Variants in PIBF1 observed in about 807,000 individuals in gnomAD.
PIBF1 encodes the protein progesterone immunomodulatory binding factor 1, also known as progesterone-induced-blocking factor 1.
In PIBF1, 90 loss-of-function variants were observed where a neutral mutation model predicts 112.5. The ratio of observed to expected loss-of-function variants is 0.80; its 90% CI spans 0.67 to 0.95. The LOEUF is 0.95. Among genes scored for constraint, PIBF1 ranks in the 40% least tolerant of loss-of-function variants. PIBF1 has a pLI of 0.00. For synonymous variants in PIBF1, 301 were observed against 288.6 expected (o/e 1.04, Z -0.44); for missense variants, 915 against 852.3 (o/e 1.07, Z -0.92).
chr13:72,993,759 A>AG (rs1477605430), intron 16 of PIBF1, among the ~76,000 whole-genome samples: 1 of 151,790 alleles, frequency 6.6e-6, no homozygotes, highest in Non-Finnish European at 1.5e-5. Flanking sequence ...AAAAAAAAAA[A>AG]AAAGAATCAG....
At chr13:72,876,323 C>T (rs2039400450) in intron 10 of PIBF1, among the ~76,000 whole-genome samples, 1 of 151,878 alleles carries the variant, frequency 6.6e-6, no homozygotes. Context: ...ACCACACTGT[C>T]CTGTTCCTGT....
chr13:72,865,702 C>CTCAGT (rs2138396253), intron 10 of PIBF1, among the ~76,000 whole-genome samples: 1 of 152,280 alleles, frequency 6.6e-6, no homozygotes, highest in South Asian at 2.1e-4. Context: ...TACACTGTTA[C>CTCAGT]TAGAAACGGA....
intron 14 of PIBF1, among the ~76,000 whole-genome samples, chr13:72,947,019 G>C (rs2042167622): frequency 6.6e-6 from 1 of 152,222 alleles, no homozygotes; most frequent in South Asian, 2.1e-4. Flanking sequence ...TTTTGTGGGT[G>C]CTCCAACCCC....
chr13:72,954,687 C>G (rs1323336772), intron 14 of PIBF1, among the ~76,000 whole-genome samples: 2 of 152,216 alleles, frequency 1.3e-5, no homozygotes, highest in Non-Finnish European at 2.9e-5. Flanking sequence ...GGCTGAGTCT[C>G]CCCATCTTAT....
chr13:72,942,184 C>CA (rs1475698515), intron 14 of PIBF1, among the ~76,000 whole-genome samples: 1 of 150,004 alleles, frequency 6.7e-6, no homozygotes, highest in African/African-American at 2.5e-5. Context: ...GGAGGAGACT[C>CA]ACATACCTAC....
intron 10 of PIBF1, among the ~76,000 whole-genome samples, chr13:72,891,274 A>G (rs977558422): frequency 6.6e-6 from 1 of 152,162 alleles, no homozygotes; most frequent in Non-Finnish European, 1.5e-5. Context: ...CAAAATTTGC[A>G]GTTTAATCTT....
intron 17 of PIBF1, among the ~76,000 whole-genome samples, chr13:73,009,987 CAT>C (rs1184163123): frequency 6.6e-6 from 1 of 152,116 alleles, no homozygotes; most frequent in Non-Finnish European, 1.5e-5. Flanking sequence ...CCTGTAAACA[CAT>C]AGTAGTAGTA....
At chr13:72,803,764 T>A (rs1165186484) in intron 5 of PIBF1, among the ~76,000 whole-genome samples, 2 of 152,116 alleles carry the variant, frequency 1.3e-5, no homozygotes, top group Non-Finnish European at 2.9e-5. Context: ...AGAGGAGGGT[T>A]TACAAAAAGA....
rs1468341445 is a variant in PIBF1 at position 72,848,721 on chromosome 13, A to G, written c.1224-5336A>G. On this transcript the variant is annotated intron_variant, in intron 9 of 17. Transcript: ENST00000326291. ...GTGGCGGGTGCCTGTAGTCCCAGCT[A>G]CTCAGGAGGCTGAGCCAGGAGAATG... Among the ~76,000 whole-genome samples, 68 of 151,874 alleles carry G rather than the reference A, an allele frequency of 4.5e-4. 1 individual carries two copies. Among genetic ancestry groups the G allele is most frequent in the Admixed American group, 4.3e-3 (65 of 15,230 alleles).
chr13:72,875,514 A>G (rs2039359309), intron 10 of PIBF1, among the ~76,000 whole-genome samples: 1 of 152,166 alleles, frequency 6.6e-6, no homozygotes, highest in African/African-American at 2.4e-5. Context: ...GAAACCACCA[A>G]ACTGTTTTCC....
At chr13:72,790,388 T>C (rs2034834326) in intron 2 of PIBF1, among the ~76,000 whole-genome samples, 1 of 151,050 alleles carries the variant, frequency 6.6e-6, no homozygotes, top group Admixed American at 6.6e-5. Context: ...GATTCCTAAA[T>C]GTAATTGTCA....
chr13:73,005,903 A>C (rs2044017786), intron 17 of PIBF1, among the ~76,000 whole-genome samples: 1 of 150,670 alleles, frequency 6.6e-6, no homozygotes, highest in African/African-American at 2.4e-5. Flanking sequence ...ATTTGTGTTT[A>C]GAAGTTCTGG....
chr13:72,789,068 T>G (rs1448632703), intron 2 of PIBF1, among the ~76,000 whole-genome samples: 1 of 152,240 alleles, frequency 6.6e-6, no homozygotes, highest in Non-Finnish European at 1.5e-5. Flanking sequence ...GAAGAGTAGC[T>G]ATTCAGGCCA....
intron 13 of PIBF1, among the ~76,000 whole-genome samples, chr13:72,922,066 A>T (rs985781216): frequency 3.3e-5 from 5 of 151,974 alleles, no homozygotes; most frequent in African/African-American, 1.2e-4. Context: ...TCTCATCTCA[A>T]ACTCCTGGGC....
At chr13:72,956,906 G>T (rs2042461507) in intron 14 of PIBF1, among the ~76,000 whole-genome samples, 1 of 152,092 alleles carries the variant, frequency 6.6e-6, no homozygotes, top group Non-Finnish European at 1.5e-5. Flanking sequence ...AAACAAACAT[G>T]TAAAAAATGC....
At chr13:72,788,297 C>T (rs1297131724) in intron 2 of PIBF1, among the ~76,000 whole-genome samples, 2 of 152,080 alleles carry the variant, frequency 1.3e-5, no homozygotes, top group Admixed American at 6.6e-5. Flanking sequence ...ACCAACTGCC[C>T]AGGGTTTCAA....
intron 2 of PIBF1, among the ~76,000 whole-genome samples, chr13:72,787,196 ATTTG>A (rs910111558): frequency 1.3e-5 from 2 of 152,118 alleles, no homozygotes; most frequent in Admixed American, 6.5e-5. Flanking sequence ...TTTTTCACTT[ATTTG>A]TTTATGTATA....
At position 72,883,668 on chromosome 13, in the gene PIBF1, A is replaced by G. The variant is rs552006001; in HGVS notation, c.1323-10116A>G. ...ACACCAGCTAATTTTTTCTATTCTT[A>G]GTAGAGAGGGGCTTTCACCATTTTG... On this transcript the variant is annotated intron_variant, in intron 10 of 17. Coordinates refer to ENST00000326291, the MANE Select transcript of PIBF1 (RefSeq NM_006346.4). Among the ~76,000 whole-genome samples, 3 of 152,230 alleles carry G rather than the reference A, an allele frequency of 2.0e-5. No homozygotes were observed. In the South Asian group the frequency reaches 6.2e-4, roughly 32 times the overall value.
chr13:72,888,749 G>A (rs184826269), intron 10 of PIBF1, among the ~76,000 whole-genome samples: 26 of 150,318 alleles, frequency 1.7e-4, no homozygotes, highest in African/African-American at 6.3e-4. Context: ...TTACAGAGAA[G>A]AATATGTGTG....
Sources: allele counts gnomAD v4.1 joint callset (sites outside exome capture counted in the v4.1 genomes callset), GRCh38; gene constraint gnomAD v4.1.1; transcripts MANE v1.5; gene names NCBI Gene and HGNC (gene_info 2026-07-23, HGNC 2026-07-21).